IMMP2L: variants seen among roughly 807,000 people sequenced by gnomAD.
IMMP2L encodes mitochondrial inner membrane protease subunit 2.
IMMP2L carries 18 observed loss-of-function variants against 19.3 expected under a neutral mutation model. The observed-to-expected ratio is 0.93, with a 90% CI of 0.64 to 1.38. IMMP2L has a LOEUF of 1.38. Among genes scored for constraint, IMMP2L ranks in the 40% most tolerant of loss-of-function variants. The probability of loss-of-function intolerance (pLI) is 0.00; values close to 1 mark genes in which losing one functional copy is unlikely to be tolerated. For synonymous variants in IMMP2L, 76 were observed against 73.0 expected (o/e 1.04, Z -0.21); for missense variants, 233 against 218.2 (o/e 1.07, Z -0.43).
chr7:111,228,001 T>G (rs1337202518), intron 3 of IMMP2L, among the ~76,000 whole-genome samples: 1 of 152,160 alleles, frequency 6.6e-6, no homozygotes, highest in Non-Finnish European at 1.5e-5. Flanking sequence ...CAGCATGTAG[T>G]GATTTCAGAA....
At chr7:110,922,770 G>A (rs780308191) in intron 4 of IMMP2L, among the ~76,000 whole-genome samples, 1 of 152,118 alleles carries the variant, frequency 6.6e-6, no homozygotes, top group Non-Finnish European at 1.5e-5. Flanking sequence ...AAGAATATGA[G>A]GCTGATGTTG....
At chr7:111,206,219 A>G (rs1416982460) in intron 3 of IMMP2L, among the ~76,000 whole-genome samples, 2 of 152,204 alleles carry the variant, frequency 1.3e-5, no homozygotes, top group East Asian at 3.8e-4. Flanking sequence ...CGTCTCCCTT[A>G]GAACACTAGA....
At chr7:110,953,628 T>A (rs888323881) in intron 4 of IMMP2L, among the ~76,000 whole-genome samples, 1 of 152,120 alleles carries the variant, frequency 6.6e-6, no homozygotes, top group African/African-American at 2.4e-5. Context: ...ACAATAAACA[T>A]ATATGTGCAT....
chr7:110,995,000 T>G (rs2129560204), intron 3 of IMMP2L, among the ~76,000 whole-genome samples: 1 of 152,220 alleles, frequency 6.6e-6, no homozygotes, highest in South Asian at 2.1e-4. Flanking sequence ...AGCTATATAG[T>G]ACATTCAAGG....
chr7:111,316,877 G>A (rs186411677), intron 3 of IMMP2L, among the ~76,000 whole-genome samples: 11 of 113,736 alleles, frequency 9.7e-5, no homozygotes, highest in Middle Eastern at 8.2e-3. Context: ...TTGAGATGGA[G>A]TCTCGCTATG....
chr7:111,442,006 G>A (rs1038861093), intron 3 of IMMP2L, among the ~76,000 whole-genome samples: 2 of 151,654 alleles, frequency 1.3e-5, no homozygotes, highest in East Asian at 1.9e-4. Context: ...GTGTGGTGGT[G>A]CGTGCCTGTT....
At chr7:111,136,344 A>AAAG (rs1420248521) in intron 3 of IMMP2L, among the ~76,000 whole-genome samples, 1 of 152,056 alleles carries the variant, frequency 6.6e-6, no homozygotes, top group African/African-American at 2.4e-5. Flanking sequence ...ACATTTTTTA[A>AAAG]AAGTCCTAGG....
intron 5 of IMMP2L, among the ~76,000 whole-genome samples, chr7:110,838,791 T>A (rs1804766305): frequency 6.6e-6 from 1 of 152,182 alleles, no homozygotes; most frequent in African/African-American, 2.4e-5. Flanking sequence ...CCTAAGACTT[T>A]ATTTACTGAG....
At chr7:110,755,961 T>TAG (rs1399235305) in intron 5 of IMMP2L, among the ~76,000 whole-genome samples, 1 of 152,100 alleles carries the variant, frequency 6.6e-6, no homozygotes, top group Non-Finnish European at 1.5e-5. Context: ...ATTCATGCTA[T>TAG]AGGTTATGAG....
intron 3 of IMMP2L, among the ~76,000 whole-genome samples, chr7:111,451,412 G>A (rs962507315): frequency 8.0e-5 from 12 of 150,044 alleles, no homozygotes; most frequent in Non-Finnish European, 1.5e-5. Context: ...GTCCTTTGTA[G>A]GGACATGGAT....
intron 3 of IMMP2L, among the ~76,000 whole-genome samples, chr7:111,256,863 A>G (rs1562974115): frequency 6.6e-6 from 1 of 152,076 alleles, no homozygotes; most frequent in Non-Finnish European, 1.5e-5. Flanking sequence ...CAAAAAACGC[A>G]AAGGCAAGAA....
chr7:111,302,658 A>G (rs1220311001), intron 3 of IMMP2L, among the ~76,000 whole-genome samples: 1 of 152,172 alleles, frequency 6.6e-6, no homozygotes, highest in Admixed American at 6.6e-5. Context: ...AAAGAGCATT[A>G]GTCATCACAC....
chr7:111,239,095 C>G (rs917577122), intron 3 of IMMP2L, among the ~76,000 whole-genome samples: 1 of 151,870 alleles, frequency 6.6e-6, no homozygotes, highest in Non-Finnish European at 1.5e-5. Context: ...TTTGTTGTAA[C>G]AGACCATCTT....
intron 3 of IMMP2L, among the ~76,000 whole-genome samples, chr7:111,194,286 A>T (rs115958470): frequency 0.011 from 1,623 of 152,248 alleles, 34 homozygotes; most frequent in African/African-American, 0.036. Flanking sequence ...TATTCATCCT[A>T]CATTTAGTAC....
chr7:111,559,669 G>A (rs971623364), intron 1 of IMMP2L, among the ~76,000 whole-genome samples: 1 of 152,122 alleles, frequency 6.6e-6, no homozygotes, highest in Non-Finnish European at 1.5e-5. Context: ...ACAATCAAAA[G>A]GAAGATCATA....
chr7:111,387,975 T>TAAAAAAAAAAAAAAAAAAAA (rs750267136), intron 3 of IMMP2L, among the ~76,000 whole-genome samples: 4 of 93,406 alleles, frequency 4.3e-5, no homozygotes, highest in African/African-American at 1.8e-4. Flanking sequence ...ACTCTGTCTT[T>TAAAAAAAAAAAAAAAAAAAA]AAAAAAAAAA....
At chr7:111,002,317 G>T (rs1320388432) in intron 3 of IMMP2L, among the ~76,000 whole-genome samples, 2 of 152,236 alleles carry the variant, frequency 1.3e-5, no homozygotes, top group South Asian at 2.1e-4. Flanking sequence ...CCAGGAGAAC[G>T]AATGTGTTAA....
chr7:111,415,648 A>G (rs555549739), intron 3 of IMMP2L, among the ~76,000 whole-genome samples: 38 of 151,994 alleles, frequency 2.5e-4, no homozygotes, highest in Admixed American at 1.5e-3. Flanking sequence ...TTGGCATTTG[A>G]TATTTTGAAA....
chr7:111,468,459 G>A (rs946370666), intron 3 of IMMP2L, among the ~76,000 whole-genome samples: 2 of 152,056 alleles, frequency 1.3e-5, no homozygotes, highest in African/African-American at 4.8e-5. Flanking sequence ...GTTTCTCCCA[G>A]TAGCCATCAA....
Sources: gnomAD v4.1 joint callset for allele counts (sites outside exome capture counted in the v4.1 genomes callset) on GRCh38, gnomAD v4.1.1 for gene constraint, MANE v1.5 for transcripts, NCBI Gene and HGNC (gene_info 2026-07-23, HGNC 2026-07-21) for gene names.